FRMPD4: variants seen among roughly 807,000 people sequenced by gnomAD.
FRMPD4 encodes the protein FERM and PDZ domain-containing protein 4.
FRMPD4 carries 22 observed loss-of-function variants against 94.1 expected under a neutral mutation model. The observed-to-expected ratio is 0.23, with a 90% CI of 0.17 to 0.33. FRMPD4 has a LOEUF of 0.33. FRMPD4 is among the 10% of genes least tolerant of loss of function. FRMPD4 has a pLI of 1.00. For synonymous variants in FRMPD4, 631 were observed against 548.6 expected (o/e 1.15, Z -2.10); for missense variants, 1,111 against 1,339.9 (o/e 0.83, Z 2.67).
At position 12,128,972 on chromosome X, in the gene FRMPD4, C is replaced by T. The variant is rs546311059; in HGVS notation, c.95+250954C>T. Among the ~76,000 whole-genome samples, 20 of 111,870 alleles carry T rather than the reference C, an allele frequency of 1.8e-4. No individual in the cohort carries two copies. The South Asian group carries it at 6.1e-3, about 34-fold the overall frequency. On this transcript the variant is annotated intron_variant, in intron 3 of 18. Transcript: ENST00000640291. ...CTACCTCAGCCTGGACTTCATTGTC[C>T]GTATCACTATCAGCATTTTGGTCAA...
At chrX:12,482,079 G>C (rs932210835) in intron 1 of FRMPD4, among the ~76,000 whole-genome samples, 1 of 109,146 alleles carries the variant, frequency 9.2e-6, no homozygotes, top group East Asian at 2.8e-4. Flanking sequence ...ACGTTGAATA[G>C]GTTAAGCAGG....
intron 1 of FRMPD4, among the ~76,000 whole-genome samples, chrX:12,454,815 G>GTTTTT (rs11443822): frequency 2.2e-5 from 2 of 92,506 alleles, no homozygotes; most frequent in South Asian, 5.8e-4. Flanking sequence ...AGAAAGCCAC[G>GTTTTT]TTTTTTTTTT....
chrX:12,400,609 G>C (rs368483824), intron 1 of FRMPD4, among the ~76,000 whole-genome samples: 1 of 111,543 alleles, frequency 9.0e-6, no homozygotes, highest in Admixed American at 9.5e-5. Flanking sequence ...TGCCCTTTTC[G>C]ACCTAGGATG....
intron 1 of FRMPD4, among the ~76,000 whole-genome samples, chrX:11,845,893 G>A (rs1324868240): frequency 9.3e-6 from 1 of 107,667 alleles, no homozygotes; most frequent in Non-Finnish European, 1.9e-5. Flanking sequence ...AATAATAAGA[G>A]CTATCTATGA....
intron 2 of FRMPD4, among the ~76,000 whole-genome samples, chrX:11,876,809 C>T (rs1040588668): frequency 3.6e-5 from 4 of 112,581 alleles, no homozygotes; most frequent in Non-Finnish European, 7.5e-5. Flanking sequence ...CTCCTCCTGT[C>T]TTGAACAACT....
chrX:12,414,817 G>A (rs1417822294), intron 1 of FRMPD4, among the ~76,000 whole-genome samples: 1 of 112,010 alleles, frequency 8.9e-6, no homozygotes, highest in East Asian at 2.8e-4. Context: ...TACAGAGAGA[G>A]ATTAAGTCAT....
At chrX:12,064,802 T>G (rs1390757198) in intron 3 of FRMPD4, among the ~76,000 whole-genome samples, 1 of 112,118 alleles carries the variant, frequency 8.9e-6, no homozygotes, top group Non-Finnish European at 1.9e-5. Context: ...AGTAATTAGT[T>G]GAGCTCCAAA....
chrX:12,477,361 G>A (rs899636885), intron 1 of FRMPD4, among the ~76,000 whole-genome samples: 1 of 111,904 alleles, frequency 8.9e-6, no homozygotes. Flanking sequence ...GTTAAATGAC[G>A]AGTTAACGGG....
intron 3 of FRMPD4, among the ~76,000 whole-genome samples, chrX:11,910,954 T>C (rs1255477536): frequency 1.8e-5 from 2 of 108,553 alleles, no homozygotes; most frequent in Non-Finnish European, 3.8e-5. Flanking sequence ...AAAAAAAACA[T>C]CTTCCAAGAA....
chrX:12,651,042 T>G (rs2059590895), intron 4 of FRMPD4, among the ~76,000 whole-genome samples: 1 of 112,846 alleles, frequency 8.9e-6, no homozygotes, highest in African/African-American at 3.2e-5. Context: ...AAGTAATCTC[T>G]GTGTGTGCTA....
intron 1 of FRMPD4, among the ~76,000 whole-genome samples, chrX:11,863,470 C>G (rs778328702): frequency 1.8e-5 from 2 of 110,886 alleles, no homozygotes; most frequent in Non-Finnish European, 3.8e-5. Flanking sequence ...TTTTAGGAGA[C>G]TTTGGTGGGA....
intron 3 of FRMPD4, among the ~76,000 whole-genome samples, chrX:12,064,305 C>A (rs1248691989): frequency 8.9e-6 from 1 of 112,288 alleles, no homozygotes; most frequent in Non-Finnish European, 1.9e-5. Flanking sequence ...CTTCAACGTT[C>A]CAGGACAAGT....
intron 1 of FRMPD4, among the ~76,000 whole-genome samples, chrX:12,322,417 C>G (rs1404722204): frequency 1.8e-5 from 2 of 111,025 alleles, no homozygotes; most frequent in African/African-American, 6.6e-5. Context: ...AGAGGGGCAA[C>G]TGGTCCTAGG....
At chrX:12,666,260 G>C (rs898566471) in intron 4 of FRMPD4, among the ~76,000 whole-genome samples, 1 of 111,494 alleles carries the variant, frequency 9.0e-6, no homozygotes, top group Non-Finnish European at 1.9e-5. Flanking sequence ...CCCAATACAG[G>C]AGCACCCAGA....
chrX:12,331,628 C>CATATACATT, intron 1 of FRMPD4, among the ~76,000 whole-genome samples: 1 of 53,096 alleles, frequency 1.9e-5, no homozygotes, highest in Non-Finnish European at 4.0e-5. Context: ...TATTATATTA[C>CATATACATT]ATATAAATTA....
Position 12,723,401 on chromosome X carries a change from T to C in FRMPD4, c.*1543T>C, listed in dbSNP as rs1196439714. On this transcript the variant is annotated 3_prime_UTR_variant, in exon 17 of 17. Transcript: ENST00000675598. Reference sequence around the variant, plus strand: ...GAAGGAGTCATAACACAGTCCACAATTGCAATCTCTCTCTAGTCAGCCATT... The same window carrying C: ...GAAGGAGTCATAACACAGTCCACAACTGCAATCTCTCTCTAGTCAGCCATT... The C allele has an allele frequency of 3.6e-5, 4 of 111,442 alleles. No individual in the cohort carries two copies. Among genetic ancestry groups the C allele is most frequent in the African/African-American group, 3.3e-5 (1 of 30,643 alleles). 9.2% of individuals were successfully genotyped at this position (111,442 alleles called of 1,213,427 possible).
intron 2 of FRMPD4, among the ~76,000 whole-genome samples, chrX:12,588,980 T>A (rs2058958125): frequency 8.9e-6 from 1 of 112,342 alleles, no homozygotes; most frequent in Admixed American, 9.4e-5. Context: ...TCTGTAAGAA[T>A]GTTTGGGGAT....
chrX:12,060,964 G>A (rs751612626), intron 3 of FRMPD4, among the ~76,000 whole-genome samples: 3 of 111,929 alleles, frequency 2.7e-5, no homozygotes, highest in Non-Finnish European at 5.6e-5. Context: ...ATAAGATTAG[G>A]CTACTACAGG....
At chrX:12,024,626 G>C (rs1036742605) in intron 3 of FRMPD4, among the ~76,000 whole-genome samples, 1 of 112,006 alleles carries the variant, frequency 8.9e-6, no homozygotes, top group Non-Finnish European at 1.9e-5. Flanking sequence ...AGTAGCTGTT[G>C]TATACTTCTT....
Sources: allele counts gnomAD v4.1 joint callset (sites outside exome capture counted in the v4.1 genomes callset), GRCh38; gene constraint gnomAD v4.1.1; transcripts MANE v1.5; gene names NCBI Gene and HGNC (gene_info 2026-07-23, HGNC 2026-07-21).